Variants in KCND3 observed in about 807,000 individuals in gnomAD.
KCND3 encodes A-type voltage-gated potassium channel KCND3.
In KCND3, 9 loss-of-function variants were observed where a neutral mutation model predicts 51.1. The observed-to-expected ratio is 0.18, with a 90% confidence interval of 0.11 to 0.31. The LOEUF (loss-of-function observed/expected upper bound fraction) is 0.31. Ranked by LOEUF, KCND3 falls within the 10% of genes least tolerant of loss-of-function variation. KCND3 has a pLI of 1.00. For synonymous variants in KCND3, 349 were observed against 368.0 expected, an observed-to-expected ratio of 0.95 and a Z score of 0.59; for missense variants, 526 against 903.8, an observed-to-expected ratio of 0.58 and a Z score of 5.36.
intron 2 of KCND3, among the ~76,000 whole-genome samples, chr1:111,857,492 A>G (rs979593816): frequency 7.2e-5 from 11 of 152,098 alleles, no homozygotes; most frequent in Non-Finnish European, 1.3e-4. Flanking sequence ...CAGCCGGGAG[A>G]AGTAAATACC....
chr1:111,964,863 A>G (rs1314057938), intron 2 of KCND3, among the ~76,000 whole-genome samples: 1 of 152,036 alleles, frequency 6.6e-6, no homozygotes, highest in South Asian at 2.1e-4. Flanking sequence ...GATGTGTGCA[A>G]TCTTTAACTC....
At chr1:111,923,620 C>T (rs998854664) in intron 2 of KCND3, among the ~76,000 whole-genome samples, 2 of 152,154 alleles carry the variant, frequency 1.3e-5, no homozygotes, top group South Asian at 2.1e-4. Context: ...TTTTAATCTC[C>T]GGTGTTATAA....
intron 2 of KCND3, among the ~76,000 whole-genome samples, chr1:111,847,646 C>G (rs753022201): frequency 1.3e-5 from 2 of 152,176 alleles, no homozygotes; most frequent in Non-Finnish European, 2.9e-5. Flanking sequence ...AAAAATATTC[C>G]CACCAGGCCT....
intron 2 of KCND3, among the ~76,000 whole-genome samples, chr1:111,797,672 T>C (rs1345954422): frequency 2.0e-5 from 3 of 152,112 alleles, no homozygotes; most frequent in African/African-American, 7.2e-5. Context: ...TCAGAGGATC[T>C]CTTGGAGGCA....
At chr1:111,874,970 C>T (rs1302893798) in intron 2 of KCND3, among the ~76,000 whole-genome samples, 2 of 152,256 alleles carry the variant, frequency 1.3e-5, no homozygotes, top group African/African-American at 2.4e-5. Flanking sequence ...GGCAAACTCA[C>T]ATGAATTCAA....
chr1:111,911,847 A>G (rs969312370), intron 2 of KCND3, among the ~76,000 whole-genome samples: 1 of 152,352 alleles, frequency 6.6e-6, no homozygotes, highest in Admixed American at 6.5e-5. Flanking sequence ...ATGATCCTTG[A>G]GAGAGGTGAA....
intron 2 of KCND3, among the ~76,000 whole-genome samples, chr1:111,975,646 C>A (rs1216595966): frequency 6.6e-6 from 1 of 152,150 alleles, no homozygotes; most frequent in Non-Finnish European, 1.5e-5. Flanking sequence ...CCAGTGACTT[C>A]CCATGCCAAG....
At chr1:111,819,819 G>T (rs752778557) in intron 2 of KCND3, among the ~76,000 whole-genome samples, 1 of 152,130 alleles carries the variant, frequency 6.6e-6, no homozygotes, top group Non-Finnish European at 1.5e-5. Context: ...AATCACGGAG[G>T]GTATATGACT....
intron 3 of KCND3, among the ~76,000 whole-genome samples, chr1:111,784,077 A>C (rs1405634162): frequency 6.7e-6 from 1 of 149,926 alleles, no homozygotes; most frequent in East Asian, 2.0e-4. Flanking sequence ...CAGTCTCTTG[A>C]CCGTGGCAGT....
intron 2 of KCND3, among the ~76,000 whole-genome samples, chr1:111,792,279 C>A (rs1385869109): frequency 6.6e-6 from 1 of 152,214 alleles, no homozygotes; most frequent in Non-Finnish European, 1.5e-5. Flanking sequence ...GTAGGGTTAA[C>A]CCACGTTAGG....
intron 2 of KCND3, among the ~76,000 whole-genome samples, chr1:111,892,827 A>C (rs1005107815): frequency 1.3e-5 from 2 of 152,254 alleles, no homozygotes; most frequent in Non-Finnish European, 2.9e-5. Context: ...AATGAACAAA[A>C]GAGAAGTAGG....
chr1:111,803,863 T>A (rs1665438177), intron 2 of KCND3, among the ~76,000 whole-genome samples: 1 of 152,184 alleles, frequency 6.6e-6, no homozygotes, highest in African/African-American at 2.4e-5. Context: ...CCAACTCCCT[T>A]CTGAGGCCAC....
intron 2 of KCND3, among the ~76,000 whole-genome samples, chr1:111,919,091 AT>A (rs1168623121): frequency 4.0e-5 from 6 of 151,550 alleles, no homozygotes; most frequent in Non-Finnish European, 7.4e-5. Flanking sequence ...TCATTCATTA[AT>A]TCATTCAGCA....
At chr1:111,930,985 C>A (rs145524880) in intron 2 of KCND3, among the ~76,000 whole-genome samples, 1 of 152,304 alleles carries the variant, frequency 6.6e-6, no homozygotes, top group East Asian at 1.9e-4. Flanking sequence ...CCCCATCCCA[C>A]GACACCCCTG....
intron 6 of KCND3, among the ~76,000 whole-genome samples, chr1:111,777,561 A>G (rs1353168507): frequency 2.0e-5 from 3 of 152,240 alleles, no homozygotes; most frequent in East Asian, 3.8e-4. Context: ...CTGAAGGGAC[A>G]TAGAGGACAC....
chr1:111,843,689 C>T (rs1273983811), intron 2 of KCND3, among the ~76,000 whole-genome samples: 1 of 152,132 alleles, frequency 6.6e-6, no homozygotes, highest in Non-Finnish European at 1.5e-5. Context: ...AAAATAAGCC[C>T]ATTGAGAGAA....
chr1:111,983,463 T>C (rs144695812), intron 1 of KCND3, among the ~76,000 whole-genome samples: 2 of 152,200 alleles, frequency 1.3e-5, no homozygotes, highest in Admixed American at 1.3e-4. Context: ...CTCCTTGCCC[T>C]AGCAACCTAG....
chr1:111,888,244 T>C (rs1260351196), intron 2 of KCND3, among the ~76,000 whole-genome samples: 1 of 151,612 alleles, frequency 6.6e-6, no homozygotes, highest in East Asian at 1.9e-4. Flanking sequence ...CTGGAGGTGG[T>C]GGGGATTGTG....
chr1:111,926,723 C>G (rs2101850362), intron 2 of KCND3, among the ~76,000 whole-genome samples: 1 of 152,386 alleles, frequency 6.6e-6, no homozygotes, highest in Non-Finnish European at 1.5e-5. Flanking sequence ...CTTTAGGAGG[C>G]AGCTGTACTG....
Sources: gnomAD v4.1 joint callset for allele counts (sites outside exome capture counted in the v4.1 genomes callset) on GRCh38, gnomAD v4.1.1 for gene constraint, MANE v1.5 for transcripts, NCBI Gene and HGNC (gene_info 2026-07-23, HGNC 2026-07-21) for gene names.